PEX5L: variants seen among roughly 807,000 people sequenced by gnomAD.
PEX5L encodes PEX5-related protein.
A neutral mutation model predicts 84.0 loss-of-function variants in PEX5L; 30 were observed. That is an observed-to-expected ratio of 0.36 (90% CI 0.27 to 0.48). The LOEUF is 0.48. PEX5L is among the 20% of genes least tolerant of loss of function. PEX5L has a pLI of 0.99. For missense variants in PEX5L, 533 were observed against 754.6 expected (o/e 0.71, Z 3.44); for synonymous variants, 270 against 283.1 (o/e 0.95, Z 0.46).
chr3:179,906,465 A>AT lies in PEX5L; in HGVS notation c.94-8220dup, dbSNP rs567572162. 2.7e-3 allele frequency among the ~76,000 whole-genome samples: 412 copies of AT among 152,244 alleles called. 3 individuals carry two copies. Among genetic ancestry groups the AT allele is most frequent in the African/African-American group, 9.7e-3 (402 of 41,552 alleles). On this transcript the variant is annotated intron_variant, in intron 2 of 14. Transcript: ENST00000467460. ...ATCTAGGGTGGTCTATCTTAAAAACATTTTTTTCTTTTGCCTTTGGCCTTA... is the reference window on the plus strand; with the variant it reads ...ATCTAGGGTGGTCTATCTTAAAAACATTTTTTTTCTTTTGCCTTTGGCCTTA...
At chr3:179,971,349 A>G (rs2110244038) in intron 2 of PEX5L, among the ~76,000 whole-genome samples, 1 of 152,196 alleles carries the variant, frequency 6.6e-6, no homozygotes, top group East Asian at 1.9e-4. Flanking sequence ...TAATTTTCCA[A>G]AAGTTCTTTT....
intron 8 of PEX5L, among the ~76,000 whole-genome samples, chr3:179,852,092 G>A (rs185553784): frequency 1.3e-4 from 20 of 152,272 alleles, no homozygotes; most frequent in African/African-American, 4.8e-4. Context: ...AGCAACACGC[G>A]TTTACTATGT....
intron 1 of PEX5L, among the ~76,000 whole-genome samples, chr3:180,017,581 A>T (rs1357359818): frequency 6.6e-6 from 1 of 152,058 alleles, no homozygotes; most frequent in African/African-American, 2.4e-5. Flanking sequence ...TCACTCATGT[A>T]CAACTGAGCC....
intron 1 of PEX5L, among the ~76,000 whole-genome samples, chr3:180,008,447 T>C (rs1789122998): frequency 2.0e-5 from 3 of 152,196 alleles, no homozygotes. Flanking sequence ...TCCAAGCTGT[T>C]CCAACCTCTG....
At chr3:179,851,677 G>A (rs186479633) in intron 8 of PEX5L, among the ~76,000 whole-genome samples, 11 of 152,264 alleles carry the variant, frequency 7.2e-5, no homozygotes, top group East Asian at 1.9e-4. Flanking sequence ...ACATATAAAC[G>A]GAAGGTTAGA....
rs116532105 is a variant in PEX5L at position 179,846,262 on chromosome 3, G to A, written c.822+12800C>T. On this transcript the variant is annotated intron_variant, in intron 8 of 14. Transcript: ENST00000467460. ...ATTTATGAGGTATATGTGATGTTTC[G>A]TAGGCATACAATGTGTAACAATCAA... 5.6e-3 allele frequency among the ~76,000 whole-genome samples: 860 copies of A among 152,220 alleles called. 17 individuals carry two copies. The Middle Eastern group carries it at 0.12, about 21-fold the overall frequency.
chr3:179,804,272 T>C (rs1032669538), intron 14 of PEX5L: 26 of 152,128 alleles, frequency 1.7e-4, no homozygotes, highest in African/African-American at 6.3e-4. Flanking sequence ...TATATATGTG[T>C]GAATAGTTTT....
chr3:179,944,449 G>T (rs550499959), intron 2 of PEX5L, among the ~76,000 whole-genome samples: 3 of 152,130 alleles, frequency 2.0e-5, no homozygotes, highest in Non-Finnish European at 4.4e-5. Flanking sequence ...TATGATAATG[G>T]GGATAAAAAT....
At chr3:179,919,304 T>C (rs540917430) in intron 2 of PEX5L, among the ~76,000 whole-genome samples, 1 of 152,328 alleles carries the variant, frequency 6.6e-6, no homozygotes, top group East Asian at 1.9e-4. Context: ...CTGGAGATCT[T>C]CCCACTACCA....
At chr3:179,979,249 T>TA (rs201687554) in intron 1 of PEX5L, among the ~76,000 whole-genome samples, 10 of 124,798 alleles carry the variant, frequency 8.0e-5, no homozygotes, top group East Asian at 2.9e-4. Context: ...ATTCAAATTT[T>TA]AAAAAAAAAA....
chr3:179,986,692 G>T (rs765226236), intron 1 of PEX5L, among the ~76,000 whole-genome samples: 1 of 151,978 alleles, frequency 6.6e-6, no homozygotes, highest in African/African-American at 2.4e-5. Context: ...GTGAGCCACC[G>T]CGCCCGGCCA....
At chr3:179,851,406 C>T (rs2108455510) in intron 8 of PEX5L, among the ~76,000 whole-genome samples, 1 of 152,254 alleles carries the variant, frequency 6.6e-6, no homozygotes, top group South Asian at 2.1e-4. Flanking sequence ...ACCTTCATGA[C>T]CTAGTCACTT....
At chr3:179,823,243 A>G (rs1729149255) in intron 8 of PEX5L, among the ~76,000 whole-genome samples, 3 of 152,208 alleles carry the variant, frequency 2.0e-5, no homozygotes, top group Non-Finnish European at 1.5e-5. Context: ...CTTCATTTAA[A>G]TCTTTCCCTT....
At chr3:179,860,918 C>T (rs56677569) in intron 7 of PEX5L, among the ~76,000 whole-genome samples, 38,317 of 152,126 alleles carry the variant, frequency 0.25, 5,553 homozygotes, top group Non-Finnish European at 0.33. Context: ...GGAGGCTGTG[C>T]TCACCCAGTC....
At chr3:179,914,259 G>A (rs141173709) in intron 2 of PEX5L, among the ~76,000 whole-genome samples, 2 of 152,258 alleles carry the variant, frequency 1.3e-5, no homozygotes, top group Non-Finnish European at 2.9e-5. Flanking sequence ...CTGCTTTGAT[G>A]TGCAGGCTCT....
intron 1 of PEX5L, among the ~76,000 whole-genome samples, chr3:179,975,304 G>C (rs1416470568): frequency 6.6e-6 from 1 of 152,196 alleles, no homozygotes; most frequent in African/African-American, 2.4e-5. Context: ...ATGGGCTAGA[G>C]ATCTGAAAAA....
rs1438706298 is a variant in PEX5L, at chr3:179,938,994, C to T, written c.93+32600G>A. On this transcript the variant is annotated intron_variant, in intron 2 of 14. Coordinates refer to ENST00000467460, the MANE Select transcript of PEX5L (RefSeq NM_016559.3). Reference sequence around the variant, plus strand: ...TCACAAGGAGCATAAAACACGAGCCCTGAAAGGATGACCTGGTCTAGTAAA... The same window carrying T: ...TCACAAGGAGCATAAAACACGAGCCTTGAAAGGATGACCTGGTCTAGTAAA... Among the ~76,000 whole-genome samples, 5 of 152,152 alleles carry T rather than the reference C, an allele frequency of 3.3e-5. No individual in the cohort carries two copies. The East Asian group carries it at 9.6e-4, about 29-fold the overall frequency.
intron 2 of PEX5L, among the ~76,000 whole-genome samples, chr3:179,960,246 G>A (rs1781675506): frequency 6.6e-6 from 1 of 152,178 alleles, no homozygotes; most frequent in Non-Finnish European, 1.5e-5. Flanking sequence ...CAAAATATTT[G>A]TGATATATGT....
chr3:179,941,624 A>G (rs529474635), intron 2 of PEX5L, among the ~76,000 whole-genome samples: 4 of 152,330 alleles, frequency 2.6e-5, no homozygotes, highest in African/African-American at 9.6e-5. Flanking sequence ...CCAAAATCCA[A>G]GCTCCTACCC....
Sources: allele counts gnomAD v4.1 joint callset (sites outside exome capture counted in the v4.1 genomes callset), GRCh38; gene constraint gnomAD v4.1.1; transcripts MANE v1.5; gene names NCBI Gene and HGNC (gene_info 2026-07-23, HGNC 2026-07-21).